PCDHGA1: variants seen among roughly 807,000 people sequenced by gnomAD.
The protein encoded by PCDHGA1 is protocadherin gamma subfamily A, 1.
Under a neutral mutation model 58.0 loss-of-function variants are expected in PCDHGA1, and 32 were observed. The observed-to-expected ratio is 0.55, with a 90% confidence interval of 0.42 to 0.74. The LOEUF (loss-of-function observed/expected upper bound fraction) is 0.74. PCDHGA1 is among the 30% of genes least tolerant of loss of function. The pLI, the probability that PCDHGA1 is intolerant of heterozygous loss-of-function variation, is 0.00. For missense variants in PCDHGA1, 1,205 were observed against 1,182.3 expected (o/e 1.02, Z -0.28); for synonymous variants, 498 against 501.1 (o/e 0.99, Z 0.08).
chr5:141,469,747 C>T (rs1392088794), intron 1 of PCDHGA1, among the ~76,000 whole-genome samples: 1 of 152,134 alleles, frequency 6.6e-6, no homozygotes, highest in Non-Finnish European at 1.5e-5. Context: ...TCAAAAATTA[C>T]AAAAATACAT....
chr5:141,494,441 C>T (rs1187169994), intron 1 of PCDHGA1, among the ~76,000 whole-genome samples: 2 of 152,154 alleles, frequency 1.3e-5, no homozygotes, highest in African/African-American at 4.8e-5. Context: ...TCCTTTGCCA[C>T]TTTAGGGGGC....
At chr5:141,344,304 G>C in intron 1 of PCDHGA1, 1 of 1,614,096 alleles carries the variant, frequency 6.2e-7, no homozygotes, top group Non-Finnish European at 8.5e-7. Flanking sequence ...GGAGAGGATA[G>C]ACCGGGAGGA....
Position 141,374,832 on chromosome 5 carries a change from G to A in PCDHGA1, c.2421+41727G>A, listed in dbSNP as rs776699327. On this transcript the variant is annotated intron_variant, in intron 1 of 3. Transcript: ENST00000517417. ...TTTACTCAGCCTGTCTACCGTGTAA[G>A]TGTTCCTGAAAACCTGCCAGTAGGC... 3.1e-6 allele frequency: 5 copies of A among 1,613,908 alleles called. 1 individual carries two copies. The South Asian group carries it at 5.5e-5, about 18-fold the overall frequency.
chr5:141,415,107 A>C (rs372656276), intron 1 of PCDHGA1: 12 of 1,613,634 alleles, frequency 7.4e-6, no homozygotes, highest in East Asian at 2.2e-5. Context: ...CGCTCAAGCA[A>C]AGCCTCGTAG....
At chr5:141,415,401 G>A (rs1408496357) in intron 1 of PCDHGA1, 9 of 1,614,088 alleles carry the variant, frequency 5.6e-6, no homozygotes, top group East Asian at 2.2e-5. Context: ...TGTCCGGCTC[G>A]CACTTTGTGG....
At chr5:141,478,396 G>GT in intron 1 of PCDHGA1, 1 of 1,613,564 alleles carries the variant, frequency 6.2e-7, no homozygotes, top group Non-Finnish European at 8.5e-7. Flanking sequence ...ACCATCAGGT[G>GT]TATCTCACCA....
intron 1 of PCDHGA1, chr5:141,398,831 C>T: frequency 6.2e-7 from 1 of 1,614,014 alleles, no homozygotes; most frequent in South Asian, 1.1e-5. Context: ...GTAACCGACG[C>T]CAATGATAAT....
intron 1 of PCDHGA1, chr5:141,375,181 C>A (rs868598149): frequency 4.3e-6 from 7 of 1,613,836 alleles, no homozygotes; most frequent in Non-Finnish European, 5.9e-6. Flanking sequence ...GAACAGTAAT[C>A]GCCCTTTTTC....
At chr5:141,372,139 C>A (rs2149999954) in intron 1 of PCDHGA1, 1 of 1,613,756 alleles carries the variant, frequency 6.2e-7, no homozygotes, top group African/African-American at 1.3e-5. Flanking sequence ...CCGCGCTCTG[C>A]AGAGCCTGGC....
At chr5:141,502,887 G>T (rs2099816882) in intron 2 of PCDHGA1, among the ~76,000 whole-genome samples, 1 of 40,910 alleles carries the variant, frequency 2.4e-5, no homozygotes, top group Non-Finnish European at 4.5e-5. Context: ...TTTTGACAGG[G>T]AGTCTAGCTC....
intron 1 of PCDHGA1, chr5:141,371,928 G>A (rs1305933236): frequency 4.3e-6 from 7 of 1,613,232 alleles, no homozygotes; most frequent in Non-Finnish European, 5.1e-6. Flanking sequence ...CGCGCGGAGC[G>A]GGGTGGTGTT....
chr5:141,414,212 A>G (rs778319178), intron 1 of PCDHGA1: 1 of 1,612,944 alleles, frequency 6.2e-7, no homozygotes, highest in Admixed American at 1.7e-5. Flanking sequence ...GATGTAAATG[A>G]CAACAGTCCA....
chr5:141,426,805 A>G (rs1222690899), intron 1 of PCDHGA1: 2 of 456,720 alleles, frequency 4.4e-6, no homozygotes, highest in African/African-American at 2.0e-5. Flanking sequence ...CTCAGTTCTA[A>G]TGAACATTTC....
At chr5:141,366,096 C>T (rs763995838) in intron 1 of PCDHGA1, 4 of 1,614,226 alleles carry the variant, frequency 2.5e-6, no homozygotes, top group Non-Finnish European at 3.4e-6. Context: ...TACCTGGTGA[C>T]CAAGGTGGTA....
intron 1 of PCDHGA1, chr5:141,356,076 T>G (rs772050180): frequency 1.2e-6 from 2 of 1,613,914 alleles, no homozygotes; most frequent in South Asian, 2.2e-5. Flanking sequence ...CACAGCTATT[T>G]CAGTTGAATT....
chr5:141,383,658 G>A, intron 1 of PCDHGA1: 1 of 1,614,036 alleles, frequency 6.2e-7, no homozygotes, highest in Admixed American at 1.7e-5. Context: ...CTGTCCCCGA[G>A]AATGTGCCAG....
At chr5:141,438,605 T>TAC (rs2098010130) in intron 1 of PCDHGA1, among the ~76,000 whole-genome samples, 1 of 27,802 alleles carries the variant, frequency 3.6e-5, no homozygotes. Flanking sequence ...TATATATATA[T>TAC]ATATATATAT....
At position 141,431,119 on chromosome 5, in the gene PCDHGA1, A is replaced by C. The variant is rs147514897; in HGVS notation, c.2422-63688A>C. 1.2e-6 allele frequency: 2 copies of C among 1,614,134 alleles called. No individual in the cohort carries two copies. The highest frequency in any genetic ancestry group is 2.7e-5 in the African/African-American group (2 of 74,956). ...ATAAAGTGAAAATATATGGAGTAGA[A>C]GTAGAAGTAAGGGACATTAACGACA... On this transcript the variant is annotated intron_variant, in intron 1 of 3. Coordinates refer to ENST00000517417, the MANE Select transcript of PCDHGA1 (RefSeq NM_018912.3). The surrounding 1 kb of genome is among the most constrained non-coding windows in gnomAD (Gnocchi z 4.8).
intron 1 of PCDHGA1, among the ~76,000 whole-genome samples, chr5:141,453,261 A>G (rs1387512741): frequency 6.6e-6 from 1 of 152,028 alleles, no homozygotes; most frequent in Non-Finnish European, 1.5e-5. Context: ...CTGCAAGTGC[A>G]CACCACCATG....
Sources: gnomAD v4.1 joint callset for allele counts (sites outside exome capture counted in the v4.1 genomes callset) on GRCh38, gnomAD v4.1.1 for gene constraint, Gnocchi (gnomAD v3.1) non-coding constraint, MANE v1.5 for transcripts, NCBI Gene and HGNC (gene_info 2026-07-23, HGNC 2026-07-21) for gene names.